The following RANBP2 variants were observed in gnomAD, a reference collection of about 807,000 sequenced individuals.
RANBP2 encodes E3 SUMO-protein ligase RanBP2.
Under a neutral mutation model 303.6 loss-of-function variants are expected in RANBP2, and 57 were observed. The ratio of observed to expected loss-of-function variants is 0.19; its 90% confidence interval spans 0.15 to 0.23. The LOEUF is 0.23. RANBP2 is among the 10% of genes least tolerant of loss of function. RANBP2 has a pLI of 1.00. For missense variants in RANBP2, 3,138 were observed against 3,780.8 expected (o/e 0.83, Z 4.46); for synonymous variants, 1,167 against 1,301.5 (o/e 0.90, Z 2.23).
chr2:109,447,557 G>T, the RANBP2 span, among the ~76,000 whole-genome samples: 1 of 152,150 alleles, frequency 6.6e-6, no homozygotes, highest in South Asian at 2.1e-4. Flanking sequence ...AGCTGGATGT[G>T]AGCTGCGTGG....
At chr2:109,249,542 TCCTTCCTTCC>T in the RANBP2 span, among the ~76,000 whole-genome samples, 1 of 123,842 alleles carries the variant, frequency 8.1e-6, no homozygotes, top group Non-Finnish European at 1.7e-5. Flanking sequence ...TTTCCTTCCT[TCCTTCCTTCC>T]TTCCTTCCTT....
chr2:108,813,656 G>C, the RANBP2 span, among the ~76,000 whole-genome samples: 6 of 152,100 alleles, frequency 3.9e-5, no homozygotes, highest in African/African-American at 1.4e-4. Context: ...ACATAATGCA[G>C]AAATCCTTTA....
chr2:109,571,043 G>A, the RANBP2 span, among the ~76,000 whole-genome samples: 3 of 152,198 alleles, frequency 2.0e-5, no homozygotes, highest in South Asian at 6.2e-4. Flanking sequence ...TCTTGTGGTA[G>A]TGAGTTCTCA....
the RANBP2 span, among the ~76,000 whole-genome samples, chr2:109,712,463 G>C: frequency 6.6e-6 from 1 of 152,090 alleles, no homozygotes; most frequent in African/African-American, 2.4e-5. Context: ...ATTGAGTCTT[G>C]CTCTGTCACC....
the RANBP2 span, among the ~76,000 whole-genome samples, chr2:109,325,772 G>C: frequency 5.3e-5 from 8 of 152,144 alleles, no homozygotes; most frequent in Non-Finnish European, 7.4e-5. Flanking sequence ...TAGTGTGTAG[G>C]GGTTCAGGTG....
chr2:108,958,668 C>G, the RANBP2 span, among the ~76,000 whole-genome samples: 1 of 152,224 alleles, frequency 6.6e-6, no homozygotes, highest in African/African-American at 2.4e-5. Flanking sequence ...TTAAGAAGCC[C>G]AAGTCCAGCT....
At chr2:108,809,175 G>A in the RANBP2 span, among the ~76,000 whole-genome samples, 1 of 152,096 alleles carries the variant, frequency 6.6e-6, no homozygotes, top group Non-Finnish European at 1.5e-5. Flanking sequence ...ATTAGTCTAT[G>A]TGTCTGTTTT....
the RANBP2 span, among the ~76,000 whole-genome samples, chr2:109,606,006 G>A: frequency 1.3e-5 from 2 of 152,170 alleles, no homozygotes; most frequent in Non-Finnish European, 2.9e-5. Flanking sequence ...GGGGCAAGGA[G>A]GTACAAAGAC....
At chr2:108,839,370 C>A in the RANBP2 span, 1 of 1,306,798 alleles carries the variant, frequency 7.7e-7, no homozygotes, top group Non-Finnish European at 1.1e-6. Flanking sequence ...TCTTGTTTCA[C>A]AATATCTGTT....
At chr2:108,976,955 C>G in the RANBP2 span, among the ~76,000 whole-genome samples, 1 of 152,108 alleles carries the variant, frequency 6.6e-6, no homozygotes, top group Non-Finnish European at 1.5e-5. Flanking sequence ...CATTAGAATC[C>G]CAGATCTGGG....
chr2:108,793,604 GT>G, the RANBP2 span, among the ~76,000 whole-genome samples: 5 of 145,560 alleles, frequency 3.4e-5, no homozygotes, highest in African/African-American at 7.5e-5. Flanking sequence ...GTTTTGTTTT[GT>G]TTTTTTTTTG....
At chr2:108,997,848 G>C in the RANBP2 span, among the ~76,000 whole-genome samples, 15 of 152,240 alleles carry the variant, frequency 9.9e-5, no homozygotes, top group African/African-American at 3.6e-4. Flanking sequence ...CCGAGATCGC[G>C]CCACTGCACT....
At chr2:109,583,657 C>A in the RANBP2 span, among the ~76,000 whole-genome samples, 10 of 152,142 alleles carry the variant, frequency 6.6e-5, no homozygotes, top group Admixed American at 6.6e-4. Flanking sequence ...AAAGAAAATA[C>A]CTCATTCTAC....
the RANBP2 span, among the ~76,000 whole-genome samples, chr2:109,311,829 T>G: frequency 6.6e-6 from 1 of 151,496 alleles, no homozygotes. Context: ...AATGGTGGTT[T>G]GTCCCTTTCT....
chr2:109,633,055 T>C, the RANBP2 span, among the ~76,000 whole-genome samples: 2 of 152,010 alleles, frequency 1.3e-5, no homozygotes, highest in South Asian at 2.1e-4. Context: ...GCACATCCAC[T>C]GGAATTTTTT....
At position 108,729,170 on chromosome 2, in the gene RANBP2, T is replaced by C. The variant is rs765149627; in HGVS notation, c.111T>C (p.Tyr37=). Residue 37 remains tyrosine (Y), a synonymous_variant, in exon 2 of 29, where the codon TAT becomes TAC. Transcript: ENST00000283195. ...GATTCTATTTTGCAAAGCTGTATTA[T>C]GAAGCTAAAGAATATGATCTTGCTA... The part of the protein sequence containing the change: ...MKGFYFAKLY[Y]EAKEYDLAKK... 2 of 1,574,216 alleles carry C rather than the reference T, an allele frequency of 1.3e-6. No homozygotes were observed. Among genetic ancestry groups the C allele is most frequent in the African/African-American group, 2.7e-5 (2 of 74,320 alleles).
chr2:109,589,947 G>C, the RANBP2 span, among the ~76,000 whole-genome samples: 1 of 151,870 alleles, frequency 6.6e-6, no homozygotes, highest in East Asian at 1.9e-4. Flanking sequence ...TATCCCAATA[G>C]TGATTTATTT....
the RANBP2 span, among the ~76,000 whole-genome samples, chr2:109,385,732 C>G: frequency 6.6e-6 from 1 of 152,240 alleles, no homozygotes; most frequent in African/African-American, 2.4e-5. Flanking sequence ...GTGTCCCAGC[C>G]AGCCCTGCCA....
intron 7 of RANBP2, among the ~76,000 whole-genome samples, chr2:108,745,518 T>C (rs1465803081): frequency 4.0e-5 from 6 of 151,358 alleles, no homozygotes; most frequent in Non-Finnish European, 8.8e-5. Flanking sequence ...GTTTCTTCTT[T>C]TGATGATTTC....
Sources: allele counts gnomAD v4.1 joint callset (sites outside exome capture counted in the v4.1 genomes callset), GRCh38; gene constraint gnomAD v4.1.1; transcripts MANE v1.5; gene names NCBI Gene and HGNC (gene_info 2026-07-23, HGNC 2026-07-21).